Variants in HK1 observed in about 807,000 individuals in gnomAD.
HK1 encodes hexokinase 1.
In HK1, 28 loss-of-function variants were observed where a neutral mutation model predicts 91.6. That is an observed-to-expected ratio of 0.31 (90% CI 0.23 to 0.42). The LOEUF is 0.42. Among genes scored for constraint, HK1 ranks in the 10% least tolerant of loss-of-function variants. The probability of loss-of-function intolerance (pLI) is 1.00; values close to 1 mark genes in which losing one functional copy is unlikely to be tolerated. For missense variants in HK1, 770 were observed against 1,219.8 expected, an observed-to-expected ratio of 0.63 and a Z score of 5.49; for synonymous variants, 430 against 468.1, an observed-to-expected ratio of 0.92 and a Z score of 1.05.
intron 1 of HK1, chr10:69,338,280 G>A (rs1848101039): frequency 1.7e-6 from 2 of 1,175,560 alleles, no homozygotes; most frequent in African/African-American, 1.6e-5. Flanking sequence ...GGTGGACAGA[G>A]GCCCTGGAGG....
chr10:69,298,978 T>G (rs1207974478), intron 4 of HK1, among the ~76,000 whole-genome samples: 1 of 151,788 alleles, frequency 6.6e-6, no homozygotes, highest in Non-Finnish European at 1.5e-5. Context: ...CTCACTCTGT[T>G]GCCCAGGCTG....
chr10:69,275,215 A>C (rs991571585), intron 1 of HK1, among the ~76,000 whole-genome samples: 23 of 86,540 alleles, frequency 2.7e-4, no homozygotes, highest in Middle Eastern at 9.8e-3. Context: ...AAAAAAAAAA[A>C]CCAAAAAACA....
Position 69,329,441 on chromosome 10 carries a change from G to A in HK1, c.63+10431G>A, listed in dbSNP as rs191292409. 2.7e-3 allele frequency among the ~76,000 whole-genome samples: 404 copies of A among 152,280 alleles called. 3 individuals are homozygous for A. Among genetic ancestry groups the A allele is most frequent in the African/African-American group, 9.4e-3 (391 of 41,550 alleles). ...CTCCCAAAGTGCTGGGATTACAGGC[G>A]TGAGCCACCGCGCCCGGCCAGACAT... On this transcript the variant is annotated intron_variant, in intron 1 of 17. Transcript: ENST00000359426.
intron 1 of HK1, among the ~76,000 whole-genome samples, chr10:69,325,891 G>C (rs922998453): frequency 6.6e-6 from 1 of 150,696 alleles, no homozygotes; most frequent in Admixed American, 6.6e-5. Flanking sequence ...TTGTAGTACA[G>C]TAGCACGATC....
chr10:69,326,761 T>A (rs1215457711), intron 1 of HK1, among the ~76,000 whole-genome samples: 1 of 152,210 alleles, frequency 6.6e-6, no homozygotes, highest in Non-Finnish European at 1.5e-5. Flanking sequence ...CAGACACAGT[T>A]GAAGCCCTTT....
chr10:69,339,107 A>T (rs967432361), intron 1 of HK1, among the ~76,000 whole-genome samples: 6 of 152,090 alleles, frequency 3.9e-5, no homozygotes, highest in African/African-American at 1.4e-4. Flanking sequence ...TGCTCAGTGA[A>T]GTGCTGGGTT....
rs201076725 is a variant in HK1, at chr10:69,401,087, C to T, written c.2706C>T (p.Ala902=). ...AGGATGGCAGCGGCAAGGGGGCCGC[C>T]CTCATCACGGCCGTGGGCGTGCGGT... is the stretch of plus-strand genomic sequence containing the variant. ...LSEDGSGKGA[A]LITAVGVRLR... The change falls in exon 18 of 18, where the codon GCC becomes GCT. Residue 902 remains alanine (A), a synonymous_variant. Coordinates refer to ENST00000359426, the MANE Select transcript of HK1 (RefSeq NM_000188.3). 7.4e-6 allele frequency: 12 copies of T among 1,614,036 alleles called. No homozygotes were observed. The highest frequency in any genetic ancestry group is 5.5e-5 in the South Asian group (5 of 91,088).
Position 69,369,391 on chromosome 10 carries a change from C to T in HK1, c.692-50C>T. ...GTTCGGCCCATCTTTCCAGGTGGCTCTGCACCCTCCCCGTTGTGTGGTCAT... is the reference window on the plus strand; with the variant it reads ...GTTCGGCCCATCTTTCCAGGTGGCTTTGCACCCTCCCCGTTGTGTGGTCAT... On this transcript the variant is annotated intron_variant, in intron 6 of 17. Transcript: ENST00000359426. This position sits in a 1 kb window ranked among gnomAD's most constrained non-coding sequence, Gnocchi z 4.4. The T allele has an allele frequency of 6.2e-7, 1 of 1,613,786 alleles. No homozygotes were observed. The highest frequency in any genetic ancestry group is 8.5e-7 in the Non-Finnish European group (1 of 1,179,632).
chr10:69,392,788 C>G (rs1839963300), intron 15 of HK1, among the ~76,000 whole-genome samples: 1 of 152,128 alleles, frequency 6.6e-6, no homozygotes, highest in East Asian at 1.9e-4. Context: ...TGTCTCAAGC[C>G]CCCAGGAATC....
At chr10:69,342,318 A>G (rs566078196) in intron 1 of HK1, among the ~76,000 whole-genome samples, 5 of 152,218 alleles carry the variant, frequency 3.3e-5, no homozygotes, top group Admixed American at 6.5e-5. Context: ...TCAGGGTGAC[A>G]CGCATGGAAA....
chr10:69,354,623 C>G (rs925146037), intron 2 of HK1, among the ~76,000 whole-genome samples: 4 of 150,476 alleles, frequency 2.7e-5, no homozygotes, highest in Admixed American at 6.6e-5. Context: ...TGGGTGGGGA[C>G]ACAAAGCCTA....
intron 2 of HK1, among the ~76,000 whole-genome samples, chr10:69,358,881 AAAG>A (rs1206715849): frequency 1.3e-5 from 2 of 151,734 alleles, no homozygotes; most frequent in Admixed American, 6.6e-5. Context: ...AAAAAAAAAA[AAAG>A]GATGAAATTC....
At chr10:69,361,110 T>C (rs1035032482) in intron 3 of HK1, among the ~76,000 whole-genome samples, 1 of 152,230 alleles carries the variant, frequency 6.6e-6, no homozygotes, top group Non-Finnish European at 1.5e-5. Context: ...CTTTTCTTTG[T>C]CCAAGAGACA....
chr10:69,367,123 G>C (rs1350523390), intron 4 of HK1, among the ~76,000 whole-genome samples: 1 of 152,200 alleles, frequency 6.6e-6, no homozygotes, highest in Admixed American at 6.5e-5. Flanking sequence ...AGAGCCTGCA[G>C]GGTGGAGCAG....
upstream of HK1, among the ~76,000 whole-genome samples, chr10:69,312,546 C>CT (rs1564502629): frequency 1.7e-4 from 25 of 151,300 alleles, 1 homozygote; most frequent in African/African-American, 5.6e-4. Flanking sequence ...GCCATATAGC[C>CT]CTTTTTTTTT....
intron 14 of HK1, among the ~76,000 whole-genome samples, chr10:69,391,474 T>A (rs1188593728): frequency 6.6e-6 from 1 of 152,150 alleles, no homozygotes; most frequent in Non-Finnish European, 1.5e-5. Flanking sequence ...AAACCCTATC[T>A]CTACTAAAAA....
intron 4 of HK1, among the ~76,000 whole-genome samples, chr10:69,365,757 T>C (rs933977236): frequency 6.6e-6 from 1 of 152,198 alleles, no homozygotes; most frequent in Non-Finnish European, 1.5e-5. Flanking sequence ...TGGGAGAAGC[T>C]TGGGAGATCG....
At chr10:69,342,545 C>T (rs1016194024) in intron 1 of HK1, among the ~76,000 whole-genome samples, 38 of 152,206 alleles carry the variant, frequency 2.5e-4, no homozygotes, top group African/African-American at 7.7e-4. Flanking sequence ...GTGGTTTGGC[C>T]GGAGTTCAGA....
chr10:69,295,227 C>T (rs2132477929), intron 3 of HK1, among the ~76,000 whole-genome samples: 1 of 152,228 alleles, frequency 6.6e-6, no homozygotes, highest in Admixed American at 6.5e-5. Context: ...GGATTAGATG[C>T]CTGTGCTCCC....
Sources: allele counts gnomAD v4.1 joint callset (sites outside exome capture counted in the v4.1 genomes callset), GRCh38; gene constraint gnomAD v4.1.1; non-coding constraint Gnocchi (gnomAD v3.1); transcripts MANE v1.5; gene names NCBI Gene and HGNC (gene_info 2026-07-23, HGNC 2026-07-21).